Variants in ACKR3 observed in about 807,000 individuals in gnomAD.
ACKR3 encodes C-X-C chemokine receptor type 7.
In ACKR3, 6 loss-of-function variants were observed where a neutral mutation model predicts 22.4. The ratio of observed to expected loss-of-function variants is 0.27; its 90% confidence interval spans 0.15 to 0.53. The LOEUF is 0.53. Among genes scored for constraint, ACKR3 ranks in the 20% least tolerant of loss-of-function variants. The probability of loss-of-function intolerance (pLI) is 0.96; values close to 1 mark genes in which losing one functional copy is unlikely to be tolerated. For synonymous variants in ACKR3, 209 were observed against 205.2 expected (o/e 1.02, Z -0.16); for missense variants, 396 against 475.2 (o/e 0.83, Z 1.55).
At chr2:236,550,539 A>C in the ACKR3 span, among the ~76,000 whole-genome samples, 3 of 152,296 alleles carry the variant, frequency 2.0e-5, no homozygotes, top group South Asian at 6.2e-4. This position sits in a 1 kb window ranked among gnomAD's most constrained non-coding sequence, Gnocchi z 4.6. Context: ...GTCTGCACCA[A>C]GGGTGAGGCT....
At chr2:236,565,864 C>T (rs34261213), upstream of ACKR3, among the ~76,000 whole-genome samples, 10,776 of 152,190 alleles carry the variant, frequency 0.071, 489 homozygotes, top group Non-Finnish European at 0.12. Context: ...CTTGGTGTTG[C>T]GGTTATTCTG....
At chr2:236,556,108 T>A in the ACKR3 span, among the ~76,000 whole-genome samples, 1 of 151,516 alleles carries the variant, frequency 6.6e-6, no homozygotes, top group South Asian at 2.1e-4. Context: ...GGAGTTAGAG[T>A]CCATGTGGGG....
chr2:236,566,848 C>A (rs986612411), upstream of ACKR3, among the ~76,000 whole-genome samples: 48 of 151,062 alleles, frequency 3.2e-4, no homozygotes, highest in African/African-American at 1.1e-3. Flanking sequence ...CTCTTTCTTT[C>A]TTTCTTTTCT....
the ACKR3 span, among the ~76,000 whole-genome samples, chr2:236,539,318 T>TG: frequency 6.9e-6 from 1 of 145,740 alleles, no homozygotes; most frequent in African/African-American, 2.5e-5. Flanking sequence ...TTTTTTTTTT[T>TG]TTTTTTGTTT....
At position 236,581,278 on chromosome 2, in the gene ACKR3, G is replaced by A. The variant is rs1233087026; in HGVS notation, c.813G>A (p.Ala271=). 11 of 1,613,908 alleles carry A rather than the reference G, an allele frequency of 6.8e-6. No homozygotes were observed. Among genetic ancestry groups the A allele is most frequent in the East Asian group, 2.2e-5 (1 of 44,880 alleles). ...FLVCWLPYHV[A]VLLDIFSILH... ...TCTGCTGGCTGCCCTACCACGTGGC[G>A]GTGCTGCTGGACATCTTCTCCATCC... The change falls in exon 2 of 2, where the codon GCG becomes GCA. Residue 271 remains alanine, a synonymous_variant. Coordinates refer to ENST00000272928, the MANE Select transcript of ACKR3 (RefSeq NM_020311.3). The surrounding 1 kb of genome is among the most constrained non-coding windows in gnomAD (Gnocchi z 4.4).
At chr2:236,561,828 C>A in the ACKR3 span, among the ~76,000 whole-genome samples, 3 of 152,162 alleles carry the variant, frequency 2.0e-5, no homozygotes, top group Non-Finnish European at 4.4e-5. Flanking sequence ...TTGTATTGTT[C>A]GGATTTTCTA....
the ACKR3 span, among the ~76,000 whole-genome samples, chr2:236,561,967 T>C: frequency 5.9e-5 from 9 of 152,264 alleles, no homozygotes; most frequent in African/African-American, 2.2e-4. Flanking sequence ...TTATTTCTTT[T>C]CTTCTTCCTT....
At chr2:236,553,702 C>T in the ACKR3 span, among the ~76,000 whole-genome samples, 16 of 152,242 alleles carry the variant, frequency 1.1e-4, no homozygotes, top group Admixed American at 9.8e-4. Flanking sequence ...TCCCGCCATG[C>T]GGGAGGGGCA....
chr2:236,549,270 C>A, the ACKR3 span, among the ~76,000 whole-genome samples: 5,830 of 152,306 alleles, frequency 0.038, 367 homozygotes, highest in African/African-American at 0.13. This position sits in a 1 kb window ranked among gnomAD's most constrained non-coding sequence, Gnocchi z 5.3. Flanking sequence ...CCTTTGCCAG[C>A]CCCAGCCTGC....
chr2:236,548,211 C>A, the ACKR3 span, among the ~76,000 whole-genome samples: 1 of 151,928 alleles, frequency 6.6e-6, no homozygotes, highest in Admixed American at 6.6e-5. The surrounding 1 kb of genome is among the most constrained non-coding windows in gnomAD (Gnocchi z 4.3). Flanking sequence ...TGGGTTTTTT[C>A]ATGTATTTTA....
the ACKR3 span, among the ~76,000 whole-genome samples, chr2:236,549,492 T>A: frequency 6.6e-6 from 1 of 152,218 alleles, no homozygotes; most frequent in African/African-American, 2.4e-5. This position sits in a 1 kb window ranked among gnomAD's most constrained non-coding sequence, Gnocchi z 5.3. Flanking sequence ...AAGATTAGTC[T>A]TCATGAGGCC....
intron 1 of ACKR3, among the ~76,000 whole-genome samples, chr2:236,572,400 G>T (rs1183770261): frequency 6.6e-6 from 1 of 152,214 alleles, no homozygotes; most frequent in Admixed American, 6.5e-5. Flanking sequence ...TTGGCAAAGG[G>T]ACAGATAACG....
At chr2:236,551,014 C>A in the ACKR3 span, among the ~76,000 whole-genome samples, 6 of 152,284 alleles carry the variant, frequency 3.9e-5, no homozygotes, top group Middle Eastern at 3.4e-3. Flanking sequence ...GGGGACAGTG[C>A]CTTCTTCCCT....
chr2:236,546,552 C>G, the ACKR3 span, among the ~76,000 whole-genome samples: 1 of 152,214 alleles, frequency 6.6e-6, no homozygotes, highest in African/African-American at 2.4e-5. The surrounding 1 kb of genome is among the most constrained non-coding windows in gnomAD (Gnocchi z 4.9). Context: ...GATGAGCAGA[C>G]AGCCAGTCAC....
chr2:236,559,292 T>A, the ACKR3 span, among the ~76,000 whole-genome samples: 4 of 152,220 alleles, frequency 2.6e-5, no homozygotes, highest in Non-Finnish European at 5.9e-5. Flanking sequence ...ATTTCAAATA[T>A]AGGTAACAGC....
intron 1 of ACKR3, among the ~76,000 whole-genome samples, chr2:236,570,490 G>T (rs996436055): frequency 6.6e-6 from 1 of 152,194 alleles, no homozygotes; most frequent in South Asian, 2.1e-4. Context: ...GGATTTACCA[G>T]AGTCTGTAAG....
chr2:236,567,702 G>A (rs373555679), upstream of ACKR3: 23 of 152,358 alleles, frequency 1.5e-4, no homozygotes, highest in East Asian at 2.7e-3. Context: ...GCTGGCGCTT[G>A]GTCCGCCCCT....
At chr2:236,539,214 T>C in the ACKR3 span, among the ~76,000 whole-genome samples, 1 of 152,068 alleles carries the variant, frequency 6.6e-6, no homozygotes, top group African/African-American at 2.4e-5. Context: ...TGAATAATAC[T>C]TCTATGAGTT....
chr2:236,559,653 C>T, the ACKR3 span, among the ~76,000 whole-genome samples: 1 of 152,134 alleles, frequency 6.6e-6, no homozygotes, highest in Non-Finnish European at 1.5e-5. Flanking sequence ...AGTTGATGTC[C>T]TTTGATAAAT....
Sources: allele counts gnomAD v4.1 joint callset (sites outside exome capture counted in the v4.1 genomes callset), GRCh38; gene constraint gnomAD v4.1.1; non-coding constraint Gnocchi (gnomAD v3.1); transcripts MANE v1.5; gene names NCBI Gene and HGNC (gene_info 2026-07-23, HGNC 2026-07-21).